PLEKHG3: variants seen among roughly 807,000 people sequenced by gnomAD.
PLEKHG3 encodes pleckstrin homology and RhoGEF domain containing G3.
PLEKHG3 carries 62 observed loss-of-function variants against 94.9 expected under a neutral mutation model. That is an observed-to-expected ratio of 0.65 (90% CI 0.53 to 0.81). PLEKHG3 has a LOEUF of 0.81. Ranked by LOEUF, PLEKHG3 falls within the 30% of genes least tolerant of loss-of-function variation. PLEKHG3 has a pLI of 0.00. For missense variants in PLEKHG3, 1,461 were observed against 1,619.3 expected, an observed-to-expected ratio of 0.90 and a Z score of 1.68; for synonymous variants, 614 against 654.0, an observed-to-expected ratio of 0.94 and a Z score of 0.93.
chr14:64,713,056 G>A (rs1465094876), intron 1 of PLEKHG3, among the ~76,000 whole-genome samples: 1 of 152,180 alleles, frequency 6.6e-6, no homozygotes, highest in Non-Finnish European at 1.5e-5. Context: ...GTGTATTGAA[G>A]TGATCAGGTG....
In PLEKHG3 at chr14:64,704,713, C is replaced by T. The variant is rs1164908351; in HGVS notation, c.-40+9C>T. The T allele has an allele frequency of 1.3e-5, 2 of 152,372 alleles. No individual in the cohort carries two copies. Among genetic ancestry groups the T allele is most frequent in the African/African-American group, 4.8e-5 (2 of 41,450 alleles). The allele number at this position is 152,372 out of a possible 1,614,324, so 9.4% of individuals were successfully genotyped here. A position where few individuals can be genotyped will look rare whatever the true frequency, so the allele number is the denominator to read the frequency against. ...GGGGCAGCTACCGCTCGGTGAGTGT[C>T]CCCTGATTCTCCTCTCTCCCCTCTT... On this transcript the variant is annotated intron_variant, in intron 1 of 16. Transcript: ENST00000247226. The surrounding 1 kb of genome is among the most constrained non-coding windows in gnomAD (Gnocchi z 5.6).
rs1335650793 is a variant in PLEKHG3, at chr14:64,728,713, T to C, written c.352-283T>C. ...TCTTTGTGTCTCTCTGTGTCCTCCT[T>C]CTCCTCTTATAAGGACAGCAGCCAC... On this transcript the variant is annotated intron_variant, in intron 2 of 16. Transcript: ENST00000247226. This position sits in a 1 kb window ranked among gnomAD's most constrained non-coding sequence, Gnocchi z 5.9. Among the ~76,000 whole-genome samples the C allele has an allele frequency of 6.6e-6, 1 of 152,108 alleles. No individual in the cohort carries two copies. Among genetic ancestry groups the C allele is most frequent in the Admixed American group, 6.5e-5 (1 of 15,276 alleles).
At chr14:64,740,940 G>T in intron 15 of PLEKHG3, 96 bp from the exon 16 acceptor site, 1 of 1,015,134 alleles carries the variant, frequency 9.9e-7, no homozygotes. Flanking sequence ...ACAGGTCCCT[G>T]TCATTGGGCC....
chr14:64,727,882 C>T lies in PLEKHG3; in HGVS notation c.251C>T (p.Ala84Val). ...TCCCCGTTCAACAGCCGGGCAGCGG[C>T]AGGGCCTGCACACCACAAGCTCAGC... is the stretch of plus-strand genomic sequence containing the variant. ...PLSPFNSRAA[A>V]GPAHHKLSYL... is the part of the protein sequence containing the mutation. The change falls in exon 2 of 17, where the codon GCA (alanine) becomes GTA (valine). Residue 84 changes from alanine to valine, a missense_variant. Ala to Val is a moderately conservative substitution (Grantham distance 64). Transcript: ENST00000247226. This position sits in a 1 kb window ranked among gnomAD's most constrained non-coding sequence, Gnocchi z 6.0. 6.2e-7 allele frequency: 1 copy of T among 1,612,922 alleles called. No homozygotes were observed. Among genetic ancestry groups the T allele is most frequent in the South Asian group, 1.1e-5 (1 of 91,010 alleles).
At chr14:64,729,227 G>GAAGGGTTGTCCATCTCTGTGCC in intron 3 of PLEKHG3, 134 bp downstream of exon 3, 1 of 558,922 alleles carries the variant, frequency 1.8e-6, no homozygotes, top group South Asian at 2.2e-5. Flanking sequence ...TGAGGACAGG[G>GAAGGGTTGTCCATCTCTGTGCC]AAGGGTTGTC....
chr14:64,729,344 G>C (rs1161659760), intron 3 of PLEKHG3, among the ~76,000 whole-genome samples: 1 of 152,218 alleles, frequency 6.6e-6, no homozygotes, highest in East Asian at 1.9e-4. Context: ...CCCTCAAGGG[G>C]CTGCTGGGCC....
intron 1 of PLEKHG3, among the ~76,000 whole-genome samples, chr14:64,714,278 G>T (rs1454409465): frequency 6.6e-6 from 1 of 152,174 alleles, no homozygotes; most frequent in Admixed American, 6.5e-5. Flanking sequence ...ACATGTGAGT[G>T]GATGGCTATG....
rs1010120884 is a variant in PLEKHG3, at chr14:64,716,017, G to C, written c.-40+11313G>C. On this transcript the variant is annotated intron_variant, in intron 1 of 16. Coordinates refer to ENST00000247226, the MANE Select transcript of PLEKHG3 (RefSeq NM_001308147.2). The surrounding 1 kb of genome is among the most constrained non-coding windows in gnomAD (Gnocchi z 5.0). Reference sequence around the variant, plus strand: ...AAGCCTGTTAACTGCTAGGTTGCCGGTGCTGGGGACAATGCGGCTGCCCGG... The same window carrying C: ...AAGCCTGTTAACTGCTAGGTTGCCGCTGCTGGGGACAATGCGGCTGCCCGG... 30 of 455,992 alleles carry C rather than the reference G, an allele frequency of 6.6e-5. No individual in the cohort carries two copies. The highest frequency in any genetic ancestry group is 1.3e-4 in the Non-Finnish European group (29 of 226,802). The allele number at this position is 455,992 out of a possible 1,614,324, so 28.2% of individuals were successfully genotyped here.
In PLEKHG3 at chr14:64,727,411, C is replaced by G. The variant is rs1250503801; in HGVS notation, c.-39-182C>G. On this transcript the variant is annotated intron_variant, in intron 1 of 16. Coordinates refer to ENST00000247226, the MANE Select transcript of PLEKHG3 (RefSeq NM_001308147.2). The surrounding 1 kb of genome is among the most constrained non-coding windows in gnomAD (Gnocchi z 6.0). ...ACAGTTCAGTGACAGTAGGTACATT[C>G]ATATCATTGTGCAATGTCATCACTG... Among the ~76,000 whole-genome samples the G allele has an allele frequency of 6.6e-6, 1 of 152,210 alleles. No homozygotes were observed. Among genetic ancestry groups the G allele is most frequent in the African/African-American group, 2.4e-5 (1 of 41,442 alleles).
At position 64,738,194 on chromosome 14, in the gene PLEKHG3, C is replaced by G. The variant is rs1486092781; in HGVS notation, c.1405-548C>G. On this transcript the variant is annotated intron_variant, in intron 14 of 16. Transcript: ENST00000247226. This position sits in a 1 kb window ranked among gnomAD's most constrained non-coding sequence, Gnocchi z 4.8. ...CCCTCCACTGCTGGCACTATCGGGC[C>G]AACGCTTTACTTTTCTCCCGGGGCG... 2.4e-5 allele frequency: 31 copies of G among 1,289,592 alleles called. No homozygotes were observed. Among genetic ancestry groups the G allele is most frequent in the Non-Finnish European group, 3.0e-5 (30 of 989,302 alleles). The allele number at this position is 1,289,592 out of a possible 1,614,324, so 79.9% of individuals were successfully genotyped here. A position where few individuals can be genotyped will look rare whatever the true frequency, so the allele number is the denominator to read the frequency against.
chr14:64,733,894 G>C (rs1260618165), intron 12 of PLEKHG3, among the ~76,000 whole-genome samples: 16 of 152,378 alleles, frequency 1.1e-4, no homozygotes, highest in Non-Finnish European at 2.2e-4. Flanking sequence ...CCCAAGGACA[G>C]GTCTGGCTTA....
Position 64,728,501 on chromosome 14 carries a change from CA to C in PLEKHG3, c.352-494del, listed in dbSNP as rs2081395824. Among the ~76,000 whole-genome samples, 1 of 152,230 alleles carries C rather than the reference CA, an allele frequency of 6.6e-6. No homozygotes were observed. Among genetic ancestry groups the C allele is most frequent in the South Asian group, 2.1e-4 (1 of 4,836 alleles). On this transcript the variant is annotated intron_variant, in intron 2 of 16. Transcript: ENST00000247226. This position sits in a 1 kb window ranked among gnomAD's most constrained non-coding sequence, Gnocchi z 5.9. ...TGACCACACACTGGGTGGCTTAAAA[CA>C]GCAAATGTGTTCTCACTCAGTTCAG...
At position 64,731,194 on chromosome 14, in the gene PLEKHG3, G is replaced by A; in HGVS notation, c.849+25G>A. 1.3e-6 allele frequency: 2 copies of A among 1,590,366 alleles called. No homozygotes were observed. The highest frequency in any genetic ancestry group is 1.7e-5 in the Admixed American group (1 of 59,486). ...GGTGCTCTGGGGCTGGGACGCTGGG[G>A]GAGGGGCAGGGCTGGGTGGGCCAGG... On this transcript the variant is annotated intron_variant, in intron 7 of 16. Transcript: ENST00000247226. This position sits in a 1 kb window ranked among gnomAD's most constrained non-coding sequence, Gnocchi z 6.1.
Position 64,732,624 on chromosome 14 carries a change from C to G in PLEKHG3, c.1246+164C>G, listed in dbSNP as rs1208269738. 1.3e-5 allele frequency among the ~76,000 whole-genome samples: 2 copies of G among 150,566 alleles called. No homozygotes were observed. Among genetic ancestry groups the G allele is most frequent in the Non-Finnish European group, 2.9e-5 (2 of 68,032 alleles). On this transcript the variant is annotated intron_variant, in intron 11 of 16. Transcript: ENST00000247226. This position sits in a 1 kb window ranked among gnomAD's most constrained non-coding sequence, Gnocchi z 4.9. ...GAACTACATGATTAAGGATGCTCTC[C>G]TGCTGAGCGGTGGGACTCTCAGTGC...
In PLEKHG3 at chr14:64,730,685, C is replaced by T. The variant is rs774858647; in HGVS notation, c.563C>T (p.Pro188Leu). 1 of 1,613,508 alleles carries T rather than the reference C, an allele frequency of 6.2e-7. No homozygotes were observed. Among genetic ancestry groups the T allele is most frequent in the Non-Finnish European group, 8.5e-7 (1 of 1,179,446 alleles). ...TACACTCAGTATTGCAACAATTACC[C>T]CAAGTGAGTAATTGGGGTGAGAGGG... The part of the protein sequence containing the change: ...DIYTQYCNNY[P>L]NSVAALTECM... Residue 188 changes from proline (P) to leucine (L), a missense_variant, in exon 5 of 17, where the codon CCC becomes CTC. By Grantham distance (98) the Pro-to-Leu change is moderately conservative. Around this residue, in one of 3 missense-constraint regions of PLEKHG3, gnomAD observed 253 missense variants for 297.8 expected, o/e 0.85. Coordinates refer to ENST00000247226, the MANE Select transcript of PLEKHG3 (RefSeq NM_001308147.2). This position sits in a 1 kb window ranked among gnomAD's most constrained non-coding sequence, Gnocchi z 5.4.
chr14:64,749,181 C>A lies in PLEKHG3; in HGVS notation c.*5478C>A. 8.2e-7 allele frequency: 1 copy of A among 1,225,344 alleles called. No homozygotes were observed. Among genetic ancestry groups the A allele is most frequent in the South Asian group, 1.4e-5 (1 of 72,792 alleles). The allele number at this position is 1,225,344 out of a possible 1,614,324, so 75.9% of individuals were successfully genotyped here. A position where few individuals can be genotyped will look rare whatever the true frequency, so the allele number is the denominator to read the frequency against. Reference sequence around the variant, plus strand: ...AGCTTTTGCAGTGCAGCGTGGGGCCCGGGGGCCCGGCCCGCGACTCGACTC... The same window carrying A: ...AGCTTTTGCAGTGCAGCGTGGGGCCAGGGGGCCCGGCCCGCGACTCGACTC... On this transcript the variant is annotated 3_prime_UTR_variant, in exon 17 of 17. Transcript: ENST00000247226. The surrounding 1 kb of genome is among the most constrained non-coding windows in gnomAD (Gnocchi z 4.7).
intron 12 of PLEKHG3, 101 bp from the exon 13 acceptor site, chr14:64,736,752 C>T: frequency 2.3e-6 from 2 of 886,478 alleles, no homozygotes; most frequent in Non-Finnish European, 3.8e-6. Context: ...CCAGAGTGGA[C>T]TTTGAGCTGG....
rs1295315949 is a variant in PLEKHG3, at chr14:64,722,334, G to C, written c.-39-5259G>C. ...AGCAATTCTCCTGCCTCAGCCTCGCGAGTAGCTGGGATTACAGGTGCATGC... is the reference window on the plus strand; with the variant it reads ...AGCAATTCTCCTGCCTCAGCCTCGCCAGTAGCTGGGATTACAGGTGCATGC... On this transcript the variant is annotated intron_variant, in intron 1 of 16. Coordinates refer to ENST00000247226, the MANE Select transcript of PLEKHG3 (RefSeq NM_001308147.2). This position sits in a 1 kb window ranked among gnomAD's most constrained non-coding sequence, Gnocchi z 4.3. Among the ~76,000 whole-genome samples, 1 of 152,082 alleles carries C rather than the reference G, an allele frequency of 6.6e-6. No homozygotes were observed. The highest frequency in any genetic ancestry group is 1.5e-5 in the Non-Finnish European group (1 of 68,006).
Position 64,716,470 on chromosome 14 carries a change from C to CA in PLEKHG3, c.-39-11122dup, listed in dbSNP as rs1401225959. On this transcript the variant is annotated intron_variant, in intron 1 of 16. Transcript: ENST00000247226. This position sits in a 1 kb window ranked among gnomAD's most constrained non-coding sequence, Gnocchi z 5.0. ...CACACACACACACACACACACAACA[C>CA]ACACACACACAACACACACACACAC... is the stretch of plus-strand genomic sequence containing the variant. Among the ~76,000 whole-genome samples the CA allele has an allele frequency of 6.9e-5, 9 of 130,896 alleles. No homozygotes were observed. The East Asian group carries it at 8.8e-4, about 13-fold the overall frequency. The allele number at this position is 130,896 out of a possible 152,430, so 85.9% of individuals were successfully genotyped here.
Sources: gnomAD v4.1 joint callset for allele counts (sites outside exome capture counted in the v4.1 genomes callset) on GRCh38, gnomAD v4.1.1 for gene constraint, gnomAD v4.1.1 regional missense constraint, Gnocchi (gnomAD v3.1) non-coding constraint, MANE v1.5 for transcripts, NCBI Gene and HGNC (gene_info 2026-07-23, HGNC 2026-07-21) for gene names.